The following USP24 variants were observed in gnomAD, a reference collection of about 807,000 sequenced individuals.
USP24 encodes the protein ubiquitin specific peptidase 24, also known as ubiquitin carboxyl-terminal hydrolase 24.
Under a neutral mutation model 361.6 loss-of-function variants are expected in USP24, and 97 were observed. That is an observed-to-expected ratio of 0.27 (90% CI 0.23 to 0.32). The LOEUF (loss-of-function observed/expected upper bound fraction) is 0.32. Ranked by LOEUF, USP24 falls within the 10% of genes least tolerant of loss-of-function variation. USP24 has a pLI of 1.00. For synonymous variants in USP24, 1,098 were observed against 1,124.6 expected (o/e 0.98, Z 0.47); for missense variants, 2,353 against 3,165.6 (o/e 0.74, Z 6.16).
chr1:55,205,114 C>T (rs187225099), intron 1 of USP24, among the ~76,000 whole-genome samples: 7 of 152,252 alleles, frequency 4.6e-5, no homozygotes, highest in African/African-American at 1.7e-4. Flanking sequence ...GAACAGAGGT[C>T]ACCAGGGAAG....
intron 1 of USP24, among the ~76,000 whole-genome samples, chr1:55,181,217 A>G (rs1283612998): frequency 1.3e-5 from 2 of 152,200 alleles, no homozygotes; most frequent in Non-Finnish European, 2.9e-5. Flanking sequence ...CTTCAATGCC[A>G]TATCAATGAT....
At chr1:55,194,545 T>C (rs2100891159) in intron 1 of USP24, among the ~76,000 whole-genome samples, 1 of 152,018 alleles carries the variant, frequency 6.6e-6, no homozygotes, top group Non-Finnish European at 1.5e-5. Context: ...GAGGCTGCAG[T>C]GAGCCGTGTT....
chr1:55,147,841 CA>C (rs537780979), intron 17 of USP24, 43 bp from the exon 18 acceptor site: 49 of 1,596,330 alleles, frequency 3.1e-5, no homozygotes, highest in Admixed American at 2.6e-4. Context: ...TGAGAATTTG[CA>C]GTTATTTTGC....
At chr1:55,075,417 T>C in intron 63 of USP24, 40 bp downstream of exon 63, 2 of 1,541,232 alleles carry the variant, frequency 1.3e-6, no homozygotes, top group East Asian at 2.3e-5. Flanking sequence ...TATCCACATA[T>C]TTACTATAGA....
At chr1:55,199,232 T>C (rs969647636) in intron 1 of USP24, among the ~76,000 whole-genome samples, 1 of 151,930 alleles carries the variant, frequency 6.6e-6, no homozygotes, top group East Asian at 1.9e-4. Flanking sequence ...GAGGTTGCAG[T>C]GAGCCAAGAT....
At chr1:55,149,652 T>A (rs1392826431) in intron 16 of USP24, among the ~76,000 whole-genome samples, 1 of 152,186 alleles carries the variant, frequency 6.6e-6, no homozygotes, top group African/African-American at 2.4e-5. Context: ...AATTGACACT[T>A]TAGACAATTA....
Position 55,094,031 on chromosome 1 carries a change from G to A in USP24, c.6260C>T (p.Pro2087Leu), listed in dbSNP as rs868610030. ...SPQSSPRPHR[P>L]NNDRLSILTK... ...AAGAATAGACAGCCGGTCATTGTTC[G>A]GCCTATGGGGCCGAGGGGATGACTG... The change falls in exon 52 of 68, where the codon CCG (proline) becomes CTG (leucine). Residue 2087 changes from proline to leucine, a missense_variant. Pro to Leu is a moderately conservative substitution (Grantham distance 98). Transcript: ENST00000294383. The A allele has an allele frequency of 1.1e-5, 18 of 1,613,490 alleles. No homozygotes were observed. Among genetic ancestry groups the A allele is most frequent in the African/African-American group, 1.3e-5 (1 of 74,868 alleles).
intron 2 of USP24, 75 bp from the exon 3 acceptor site, chr1:55,176,518 A>ACGTG: frequency 5.2e-6 from 7 of 1,356,854 alleles, no homozygotes; most frequent in South Asian, 1.3e-5. Flanking sequence ...GAATGAAATA[A>ACGTG]TACACGTTAT....
At chr1:55,153,994 G>T in intron 15 of USP24, 77 bp from the exon 16 acceptor site, 1 of 1,547,872 alleles carries the variant, frequency 6.5e-7, no homozygotes, top group East Asian at 2.3e-5. Context: ...TGGACTTTAA[G>T]GTAAGAGCTT....
chr1:55,185,158 G>A (rs1644093828), intron 1 of USP24, among the ~76,000 whole-genome samples: 1 of 151,820 alleles, frequency 6.6e-6, no homozygotes, highest in Non-Finnish European at 1.5e-5. Context: ...TTGTTTTGTT[G>A]CTCAGGCTGA....
chr1:55,178,185 C>T, intron 1 of USP24, 53 bp from the exon 2 acceptor site: 1 of 1,542,554 alleles, frequency 6.5e-7, no homozygotes, highest in South Asian at 1.2e-5. Flanking sequence ...AGTGATTACT[C>T]TAAAAATTTC....
chr1:55,155,732 C>T (rs535738620), intron 12 of USP24, among the ~76,000 whole-genome samples: 5 of 152,094 alleles, frequency 3.3e-5, no homozygotes, highest in East Asian at 1.9e-4. Flanking sequence ...TGAGAGGAAG[C>T]GCTGGGAGAT....
chr1:55,181,051 A>ATT (rs201373052), intron 1 of USP24, among the ~76,000 whole-genome samples: 17 of 147,368 alleles, frequency 1.2e-4, no homozygotes, highest in East Asian at 7.8e-4. Context: ...ACTAGTTTGT[A>ATT]TTTTTTTTTT....
At chr1:55,116,605 T>G (rs919776645) in intron 38 of USP24, among the ~76,000 whole-genome samples, 4 of 150,936 alleles carry the variant, frequency 2.7e-5, no homozygotes, top group Non-Finnish European at 4.4e-5. Flanking sequence ...CTACCACGAT[T>G]GAATCAGGAA....
intron 37 of USP24, 25 bp downstream of exon 37, chr1:55,121,411 T>C (rs746658421): frequency 6.2e-7 from 1 of 1,605,002 alleles, no homozygotes; most frequent in East Asian, 2.2e-5. Context: ...AAAGGAGTTT[T>C]GTAAGTAATG....
intron 1 of USP24, among the ~76,000 whole-genome samples, chr1:55,195,722 T>G (rs984031872): frequency 3.3e-5 from 5 of 152,174 alleles, no homozygotes; most frequent in African/African-American, 1.2e-4. Context: ...ATAGTTCCAC[T>G]TATATGAGGT....
intron 1 of USP24, among the ~76,000 whole-genome samples, chr1:55,181,037 G>T (rs575827207): frequency 6.7e-6 from 1 of 150,296 alleles, no homozygotes; most frequent in East Asian, 1.9e-4. Flanking sequence ...TGCCTAATAC[G>T]CACACTAGTT....
chr1:55,086,360 A>T (rs1397586966), intron 55 of USP24: 1 of 335,868 alleles, frequency 3.0e-6, no homozygotes, highest in South Asian at 4.0e-5. Flanking sequence ...ATTCTCTTGA[A>T]GGGAATACCT....
At chr1:55,116,109 T>C (rs1348279005) in intron 38 of USP24, among the ~76,000 whole-genome samples, 1 of 152,126 alleles carries the variant, frequency 6.6e-6, no homozygotes. Flanking sequence ...ATGGCACGTG[T>C]ATACCTATGT....
Sources: gnomAD v4.1 joint callset for allele counts (sites outside exome capture counted in the v4.1 genomes callset) on GRCh38, gnomAD v4.1.1 for gene constraint, MANE v1.5 for transcripts, NCBI Gene and HGNC (gene_info 2026-07-23, HGNC 2026-07-21) for gene names.